ANO3: variants seen among roughly 807,000 people sequenced by gnomAD.
The protein encoded by ANO3 is anoctamin 3.
In ANO3, 99 loss-of-function variants were observed where a neutral mutation model predicts 144.8. That is an observed-to-expected ratio of 0.68 (90% CI 0.58 to 0.81). The LOEUF (loss-of-function observed/expected upper bound fraction) is 0.81. Among genes scored for constraint, ANO3 ranks in the 30% least tolerant of loss-of-function variants. The probability of loss-of-function intolerance (pLI) is 0.00; values close to 1 mark genes in which losing one functional copy is unlikely to be tolerated. For synonymous variants in ANO3, 414 were observed against 392.6 expected, an observed-to-expected ratio of 1.05 and a Z score of -0.64; for missense variants, 905 against 1,202.2, an observed-to-expected ratio of 0.75 and a Z score of 3.66.
At chr11:26,302,893 G>C (rs1292698807) in intron 1 of ANO3, among the ~76,000 whole-genome samples, 2 of 152,182 alleles carry the variant, frequency 1.3e-5, no homozygotes, top group Middle Eastern at 3.4e-3. Context: ...AATGGGCAAA[G>C]GAAATGAATA....
At chr11:26,644,842 CACACACAT>C (rs1443702277) in intron 23 of ANO3, among the ~76,000 whole-genome samples, 4 of 151,694 alleles carry the variant, frequency 2.6e-5, no homozygotes, top group East Asian at 1.9e-4. Context: ...CACACACACA[CACACACAT>C]ACCATATATA....
intron 1 of ANO3, among the ~76,000 whole-genome samples, chr11:26,315,252 C>A (rs912631521): frequency 1.3e-5 from 2 of 152,178 alleles, no homozygotes; most frequent in African/African-American, 4.8e-5. Flanking sequence ...TTCGGGTGAG[C>A]AGCTCAGAGT....
At chr11:26,336,860 G>T (rs907107997) in intron 1 of ANO3, among the ~76,000 whole-genome samples, 5 of 152,116 alleles carry the variant, frequency 3.3e-5, no homozygotes, top group African/African-American at 1.2e-4. Context: ...AGAAGGCATT[G>T]TCTCTCATTA....
upstream of ANO3, among the ~76,000 whole-genome samples, chr11:26,327,493 A>G (rs752511382): frequency 5.3e-5 from 8 of 152,176 alleles, no homozygotes; most frequent in Non-Finnish European, 1.0e-4. Context: ...TAGGACAATC[A>G]TTCCCAGTGG....
At chr11:26,442,806 G>A (rs190664959) in intron 2 of ANO3, among the ~76,000 whole-genome samples, 26 of 152,030 alleles carry the variant, frequency 1.7e-4, no homozygotes, top group Non-Finnish European at 2.5e-4. Flanking sequence ...TTGCTCTGTC[G>A]CCCAGGCTGG....
chr11:26,359,860 G>A (rs1307138115), intron 1 of ANO3, among the ~76,000 whole-genome samples: 3 of 148,932 alleles, frequency 2.0e-5, no homozygotes, highest in Admixed American at 6.8e-5. Flanking sequence ...TGGTCAGAGT[G>A]GAACTATGTC....
intron 1 of ANO3, among the ~76,000 whole-genome samples, chr11:26,317,052 G>T (rs1854642402): frequency 6.6e-6 from 1 of 152,112 alleles, no homozygotes; most frequent in South Asian, 2.1e-4. Context: ...ATAACTAATA[G>T]CAATCCCTTT....
intron 14 of ANO3, among the ~76,000 whole-genome samples, chr11:26,582,198 C>T (rs1851153087): frequency 6.6e-6 from 1 of 152,114 alleles, no homozygotes; most frequent in Non-Finnish European, 1.5e-5. Context: ...TTCTGAGGAG[C>T]ATTATTACTT....
intron 12 of ANO3, among the ~76,000 whole-genome samples, chr11:26,552,178 A>G (rs895259757): frequency 3.9e-5 from 6 of 152,026 alleles, no homozygotes; most frequent in African/African-American, 7.2e-5. Context: ...AAACAATTTG[A>G]CAGACATAAA....
At chr11:26,422,562 G>A (rs1186069099) in intron 1 of ANO3, among the ~76,000 whole-genome samples, 1 of 151,992 alleles carries the variant, frequency 6.6e-6, no homozygotes, top group East Asian at 1.9e-4. Context: ...AATCTGTTCT[G>A]CATGTAAGAA....
chr11:26,414,757 T>TA (rs763202737), intron 1 of ANO3, among the ~76,000 whole-genome samples: 21,924 of 79,452 alleles, frequency 0.28, 2,673 homozygotes, highest in African/African-American at 0.45. Flanking sequence ...TACAGTAAAG[T>TA]TAAAAAAAAA....
chr11:26,564,704 C>T (rs1356230991), intron 14 of ANO3, among the ~76,000 whole-genome samples: 27 of 62,812 alleles, frequency 4.3e-4, no homozygotes, highest in South Asian at 4.0e-3. Flanking sequence ...CACACACACA[C>T]ACACACACAC....
In ANO3 at chr11:26,371,078, C is replaced by T. The variant is rs115988434; in HGVS notation, c.46+38757C>T. Among the ~76,000 whole-genome samples the T allele has an allele frequency of 9.0e-3, 1,374 of 152,284 alleles. 13 individuals are homozygous for T. The highest frequency in any genetic ancestry group is 0.031 in the African/African-American group (1,268 of 41,556). ...CAGAGTCCTTCACAGCAGCCCCTCC[C>T]ATCGCAGGCCTGGAGGCCTAGATAG... On this transcript the variant is annotated intron_variant, in intron 1 of 26. Transcript: ENST00000256737.
At chr11:26,361,617 A>C (rs963833595) in intron 1 of ANO3, among the ~76,000 whole-genome samples, 1 of 152,166 alleles carries the variant, frequency 6.6e-6, no homozygotes, top group Non-Finnish European at 1.5e-5. Flanking sequence ...TCAGCTGCCA[A>C]CTTTGGTGCT....
At chr11:26,489,514 C>T (rs1004076123) in intron 4 of ANO3, among the ~76,000 whole-genome samples, 3 of 152,202 alleles carry the variant, frequency 2.0e-5, no homozygotes, top group East Asian at 3.9e-4. Flanking sequence ...GGCTGCCATC[C>T]TCCAGTTCCT....
chr11:26,247,229 T>A (rs1852817050), intron 1 of ANO3, among the ~76,000 whole-genome samples: 1 of 152,168 alleles, frequency 6.6e-6, no homozygotes, highest in South Asian at 2.1e-4. Flanking sequence ...CGTGTAGATT[T>A]CTGACTCAAA....
intron 24 of ANO3, among the ~76,000 whole-genome samples, 194 bp downstream of exon 24, chr11:26,648,050 G>C (rs1291583124): frequency 2.0e-5 from 3 of 152,018 alleles, no homozygotes; most frequent in African/African-American, 7.2e-5. Flanking sequence ...CTTAGAGTCC[G>C]TCTACTGTTT....
upstream of ANO3, among the ~76,000 whole-genome samples, chr11:26,329,327 C>CACACACAGAG (rs1476384143): frequency 1.8e-5 from 2 of 110,374 alleles, no homozygotes; most frequent in African/African-American, 7.5e-5. Context: ...CACACACACA[C>CACACACAGAG]AGAGAGAGAG....
intron 4 of ANO3, among the ~76,000 whole-genome samples, chr11:26,489,792 C>A (rs899247226): frequency 2.0e-5 from 3 of 152,082 alleles, no homozygotes; most frequent in Non-Finnish European, 4.4e-5. Context: ...TTGTTTTGGC[C>A]AATTTCTCCT....
Sources: allele counts gnomAD v4.1 joint callset (sites outside exome capture counted in the v4.1 genomes callset), GRCh38; gene constraint gnomAD v4.1.1; transcripts MANE v1.5; gene names NCBI Gene and HGNC (gene_info 2026-07-23, HGNC 2026-07-21).